The following CEP350 variants were observed in gnomAD, a reference collection of about 807,000 sequenced individuals.
The protein encoded by CEP350 is centrosome-associated protein 350.
A neutral mutation model predicts 331.8 loss-of-function variants in CEP350; 126 were observed. The observed-to-expected ratio is 0.38, with a 90% confidence interval of 0.33 to 0.44. The LOEUF (loss-of-function observed/expected upper bound fraction) is 0.44. CEP350 is among the 20% of genes least tolerant of loss of function. The pLI is 1.00. For missense variants in CEP350, 3,406 were observed against 3,634.6 expected, an observed-to-expected ratio of 0.94 and a Z score of 1.62; for synonymous variants, 1,200 against 1,259.5, an observed-to-expected ratio of 0.95 and a Z score of 1.00.
At chr1:179,999,916 A>G (rs955622117) in intron 6 of CEP350, among the ~76,000 whole-genome samples, 6 of 152,170 alleles carry the variant, frequency 3.9e-5, no homozygotes, top group African/African-American at 1.4e-4. Context: ...TGGTGTTTAT[A>G]TGATTCTTTC....
chr1:180,000,658 TG>T (rs1317372069), intron 6 of CEP350: 6 of 190,394 alleles, frequency 3.2e-5, no homozygotes, highest in Non-Finnish European at 1.1e-5. Flanking sequence ...GACATTGGTG[TG>T]GCTTTGTACA....
chr1:180,090,826 T>A (rs1262982407), intron 33 of CEP350, 30 bp downstream of exon 33: 1 of 1,514,716 alleles, frequency 6.6e-7, no homozygotes, highest in East Asian at 2.5e-5. Context: ...AATTAACTTG[T>A]AGCTACATAG....
chr1:179,997,330 G>A (rs998162622), intron 6 of CEP350, among the ~76,000 whole-genome samples, 155 bp downstream of exon 6: 9 of 151,848 alleles, frequency 5.9e-5, no homozygotes, highest in South Asian at 2.1e-4. Flanking sequence ...TCATGAGGTC[G>A]GGAGATCAAG....
chr1:180,088,711 A>G (rs1660002976), intron 32 of CEP350, among the ~76,000 whole-genome samples: 2 of 152,218 alleles, frequency 1.3e-5, no homozygotes, highest in Non-Finnish European at 2.9e-5. Flanking sequence ...ACTGTGGGCA[A>G]GTTATTTAAC....
chr1:179,994,031 A>AAG (rs1428900261), intron 5 of CEP350, among the ~76,000 whole-genome samples: 9 of 152,210 alleles, frequency 5.9e-5, no homozygotes, highest in Non-Finnish European at 1.3e-4. Flanking sequence ...TCTTACTCTC[A>AAG]AGGCCTTAGC....
At chr1:180,033,079 A>G (rs946370074) in intron 15 of CEP350, among the ~76,000 whole-genome samples, 3 of 152,160 alleles carry the variant, frequency 2.0e-5, no homozygotes, top group Non-Finnish European at 4.4e-5. Flanking sequence ...TTGTTTCAGT[A>G]TATTGGCAAT....
intron 6 of CEP350, among the ~76,000 whole-genome samples, chr1:179,998,384 C>T (rs1181151408): frequency 6.7e-6 from 1 of 150,266 alleles, no homozygotes; most frequent in East Asian, 2.0e-4. Flanking sequence ...TCTCGGCCCA[C>T]TGCAACCTCT....
At chr1:180,110,112 A>G (rs1661392925) in intron 37 of CEP350, among the ~76,000 whole-genome samples, 1 of 152,220 alleles carries the variant, frequency 6.6e-6, no homozygotes, top group Non-Finnish European at 1.5e-5. Flanking sequence ...CTTCAGCAAT[A>G]TTACATTTGA....
At chr1:179,977,934 A>G (rs1310688697) in intron 1 of CEP350, among the ~76,000 whole-genome samples, 4 of 150,636 alleles carry the variant, frequency 2.7e-5, no homozygotes, top group Non-Finnish European at 5.9e-5. Context: ...TTATACTTTA[A>G]AAATATTTTT....
chr1:180,015,327 G>T (rs1042965730), intron 10 of CEP350, among the ~76,000 whole-genome samples: 2 of 151,894 alleles, frequency 1.3e-5, no homozygotes, highest in East Asian at 3.9e-4. Context: ...TCCGCCCCCC[G>T]GGGTTCATGC....
intron 1 of CEP350, among the ~76,000 whole-genome samples, chr1:179,972,964 T>C (rs1651567469): frequency 6.6e-6 from 1 of 150,680 alleles, no homozygotes; most frequent in African/African-American, 2.4e-5. Context: ...GCCTCCGGGG[T>C]TCACGCCATT....
chr1:180,037,468 G>A (rs1656441818), intron 17 of CEP350, among the ~76,000 whole-genome samples: 2 of 149,420 alleles, frequency 1.3e-5, no homozygotes, highest in South Asian at 2.1e-4. Context: ...TCTGAGATCC[G>A]GGTGTTTGAT....
chr1:180,057,341 T>G (rs1204789766), intron 25 of CEP350, among the ~76,000 whole-genome samples: 1 of 152,034 alleles, frequency 6.6e-6, no homozygotes, highest in African/African-American at 2.4e-5. Flanking sequence ...CCTCAGGTGA[T>G]CCACCCACCT....
At chr1:180,071,054 A>T (rs1658850915) in intron 27 of CEP350, among the ~76,000 whole-genome samples, 1 of 149,772 alleles carries the variant, frequency 6.7e-6, no homozygotes, top group Non-Finnish European at 1.5e-5. Context: ...AGGCTGAGGC[A>T]GGAGAATCAC....
chr1:180,051,440 TG>T (rs1234935112), intron 22 of CEP350, among the ~76,000 whole-genome samples: 1 of 152,140 alleles, frequency 6.6e-6, no homozygotes, highest in Non-Finnish European at 1.5e-5. Context: ...TTTTAGGCAT[TG>T]GGGGAAGAGG....
At chr1:180,004,873 GGCTTGCTTGCTTGCTTGCTTGCTT>G (rs142057657) in intron 7 of CEP350, among the ~76,000 whole-genome samples, 16 of 100,612 alleles carry the variant, frequency 1.6e-4, no homozygotes, top group African/African-American at 5.6e-4. Context: ...CAGGCTGGCT[GGCTTGCTTGCTTGCTTGCTTGCTT>G]GCTTGCTTGC....
intron 22 of CEP350, among the ~76,000 whole-genome samples, chr1:180,051,501 A>T (rs552407846): frequency 6.6e-6 from 1 of 151,866 alleles, no homozygotes; most frequent in Non-Finnish European, 1.5e-5. Flanking sequence ...AGGATGAAGG[A>T]ACTGTTACAT....
At chr1:180,000,020 C>T (rs1250892060) in intron 6 of CEP350, among the ~76,000 whole-genome samples, 1 of 152,104 alleles carries the variant, frequency 6.6e-6, no homozygotes, top group Non-Finnish European at 1.5e-5. Flanking sequence ...TATTTTATCT[C>T]AGAACCTAGT....
At position 180,020,524 on chromosome 1, in the gene CEP350, G is replaced by A. The variant is rs975050872; in HGVS notation, c.2750G>A (p.Ser917Asn). 1 of 1,613,986 alleles carries A rather than the reference G, an allele frequency of 6.2e-7. No individual in the cohort carries two copies. Among genetic ancestry groups the A allele is most frequent in the South Asian group, 1.1e-5 (1 of 91,074 alleles). ...DDDLPGVGNL[S>N]EFKKLPEMIR... ...GATCTTCCTGGTGTAGGCAATCTTA[G>A]TGAATTTAAAAAGCTTCCTGAGATG... Residue 917 changes from serine (S) to asparagine (N), a missense_variant, in exon 12 of 38, where the codon AGT (serine) becomes AAT (asparagine). By Grantham distance (46) the Ser-to-Asn change is conservative (BLOSUM62 1). Around this residue, in one of 5 missense-constraint regions of CEP350, gnomAD observed 1,857 missense variants for 1,909.2 expected, o/e 0.97. Coordinates refer to ENST00000367607, the MANE Select transcript of CEP350 (RefSeq NM_014810.5).
Sources: allele counts gnomAD v4.1 joint callset (sites outside exome capture counted in the v4.1 genomes callset), GRCh38; gene constraint gnomAD v4.1.1; regional missense constraint gnomAD v4.1.1; transcripts MANE v1.5; gene names NCBI Gene and HGNC (gene_info 2026-07-23, HGNC 2026-07-21).